Variants in AGAP1 observed in about 807,000 individuals in gnomAD.
AGAP1 encodes the protein ArfGAP with GTPase domain, ankyrin repeat and PH domain 1.
A neutral mutation model predicts 105.3 loss-of-function variants in AGAP1; 29 were observed. That is an observed-to-expected ratio of 0.28 (90% CI 0.21 to 0.38). The LOEUF is 0.38. Among genes scored for constraint, AGAP1 ranks in the 10% least tolerant of loss-of-function variants. The pLI, the probability that AGAP1 is intolerant of heterozygous loss-of-function variation, is 1.00. For missense variants in AGAP1, 998 were observed against 1,165.1 expected (o/e 0.86, Z 2.09); for synonymous variants, 509 against 485.9 (o/e 1.05, Z -0.63).
At chr2:235,604,348 G>A (rs867460200) in intron 1 of AGAP1, among the ~76,000 whole-genome samples, 22 of 151,768 alleles carry the variant, frequency 1.4e-4, no homozygotes, top group African/African-American at 5.1e-4. Flanking sequence ...TGAACATGGT[G>A]GTGTGCACCT....
Position 236,051,471 on chromosome 2 carries a change from G to A in AGAP1, c.2114+2190G>A, listed in dbSNP as rs2057892018. On this transcript the variant is annotated intron_variant, in intron 16 of 17. Coordinates refer to ENST00000304032, the MANE Select transcript of AGAP1 (RefSeq NM_001037131.3). The surrounding 1 kb of genome is among the most constrained non-coding windows in gnomAD (Gnocchi z 5.9). ...TGAGCTGGACTCTGAAATAGGGGGT[G>A]ATTCCCAGGGCCAGGGCCAGGGGAC... 6.6e-6 allele frequency among the ~76,000 whole-genome samples: 1 copy of A among 152,138 alleles called. No individual in the cohort carries two copies. Among genetic ancestry groups the A allele is most frequent in the Non-Finnish European group, 1.5e-5 (1 of 68,018 alleles).
rs1366829968 is a variant in AGAP1 at position 235,882,734 on chromosome 2, C to T, written c.1051-611C>T. Among the ~76,000 whole-genome samples the T allele has an allele frequency of 6.6e-6, 1 of 152,198 alleles. No individual in the cohort carries two copies. The highest frequency in any genetic ancestry group is 2.4e-5 in the African/African-American group (1 of 41,448). On this transcript the variant is annotated intron_variant, in intron 9 of 17. Transcript: ENST00000304032. The surrounding 1 kb of genome is among the most constrained non-coding windows in gnomAD (Gnocchi z 4.6). ...AGGTGATCTGCCCACCTCGGCCTCC[C>T]AAAGTTCTGGGATTACAGGCGTGAG...
chr2:235,539,156 T>G (rs1943351600), intron 1 of AGAP1, among the ~76,000 whole-genome samples: 1 of 152,226 alleles, frequency 6.6e-6, no homozygotes, highest in African/African-American at 2.4e-5. Flanking sequence ...CTCGCAGAGA[T>G]TGCTCTGCAC....
rs191384563 is a variant in AGAP1, at chr2:235,659,999, G to C, written c.164-49180G>C. Among the ~76,000 whole-genome samples, 116 of 152,330 alleles carry C rather than the reference G, an allele frequency of 7.6e-4. 1 individual carries two copies. Among genetic ancestry groups the C allele is most frequent in the African/African-American group, 2.7e-3 (112 of 41,572 alleles). ...GCCCCTCAAGGCTGTAGACCCCTCT[G>C]TCTGACCAGCATCCCATTCCCTGAA... On this transcript the variant is annotated intron_variant, in intron 1 of 17. Coordinates refer to ENST00000304032, the MANE Select transcript of AGAP1 (RefSeq NM_001037131.3). This position sits in a 1 kb window ranked among gnomAD's most constrained non-coding sequence, Gnocchi z 5.0.
In AGAP1 at chr2:235,747,323, T is replaced by A. The variant is rs1385515735; in HGVS notation, c.538+2484T>A. ...AAGAAAGTACCCCCATTTATTCCCA[T>A]GAATTCCATGAACATCCGTTGATCG... On this transcript the variant is annotated intron_variant, in intron 5 of 17. Coordinates refer to ENST00000304032, the MANE Select transcript of AGAP1 (RefSeq NM_001037131.3). The surrounding 1 kb of genome is among the most constrained non-coding windows in gnomAD (Gnocchi z 5.0). Among the ~76,000 whole-genome samples, 1 of 152,126 alleles carries A rather than the reference T, an allele frequency of 6.6e-6. No homozygotes were observed. The highest frequency in any genetic ancestry group is 2.4e-5 in the African/African-American group (1 of 41,426).
chr2:235,730,477 T>TAAAAAAA (rs11388954), intron 3 of AGAP1, among the ~76,000 whole-genome samples: 1 of 123,870 alleles, frequency 8.1e-6, no homozygotes, highest in Non-Finnish European at 1.6e-5. Flanking sequence ...GTTTACCTTT[T>TAAAAAAA]AAAAAAAAAA....
At position 235,622,172 on chromosome 2, in the gene AGAP1, G is replaced by C. The variant is rs1008339672; in HGVS notation, c.164-87007G>C. 6.6e-6 allele frequency among the ~76,000 whole-genome samples: 1 copy of C among 152,092 alleles called. No individual in the cohort carries two copies. On this transcript the variant is annotated intron_variant, in intron 1 of 17. Coordinates refer to ENST00000304032, the MANE Select transcript of AGAP1 (RefSeq NM_001037131.3). This position sits in a 1 kb window ranked among gnomAD's most constrained non-coding sequence, Gnocchi z 5.0. ...ATTAGATTTAGCTAAAGTAGCTTAG[G>C]TTTTATAAAAGCTGATGTTCTTCAT...
rs925593093 is a variant in AGAP1, at chr2:235,705,360, A to G, written c.164-3819A>G. ...GGAACACAGGTGTGCACACATCCGG[A>G]TGTGCATCCACACACTCATGCGCAT... is the stretch of plus-strand genomic sequence containing the variant. On this transcript the variant is annotated intron_variant, in intron 1 of 17. Transcript: ENST00000304032. The surrounding 1 kb of genome is among the most constrained non-coding windows in gnomAD (Gnocchi z 4.9). Among the ~76,000 whole-genome samples, 3 of 152,126 alleles carry G rather than the reference A, an allele frequency of 2.0e-5. No individual in the cohort carries two copies. Among genetic ancestry groups the G allele is most frequent in the Admixed American group, 6.5e-5 (1 of 15,274 alleles).
chr2:235,854,437 C>G (rs1215166945), intron 9 of AGAP1, among the ~76,000 whole-genome samples: 1 of 152,246 alleles, frequency 6.6e-6, no homozygotes, highest in African/African-American at 2.4e-5. Context: ...TGAGATGGGC[C>G]ACTCCTGCCA....
At chr2:235,513,522 G>GAAAAAAAAAAAAAA (rs5839595) in intron 1 of AGAP1, among the ~76,000 whole-genome samples, 1 of 73,226 alleles carries the variant, frequency 1.4e-5, no homozygotes, top group African/African-American at 6.1e-5. Context: ...CTCCGTCTCA[G>GAAAAAAAAAAAAAA]AAAAAAAAAA....
intron 16 of AGAP1, among the ~76,000 whole-genome samples, chr2:236,091,395 C>G (rs1415183163): frequency 6.6e-6 from 1 of 152,198 alleles, no homozygotes; most frequent in African/African-American, 2.4e-5. Flanking sequence ...CTCTGGAAAA[C>G]AGTTTTACAG....
At chr2:236,085,506 C>A (rs886191704) in intron 16 of AGAP1, among the ~76,000 whole-genome samples, 5 of 152,206 alleles carry the variant, frequency 3.3e-5, no homozygotes, top group Non-Finnish European at 5.9e-5. Context: ...CCATTTGTCC[C>A]CAGTTTCCCC....
chr2:236,024,039 T>TTG lies in AGAP1; in HGVS notation c.1646-12521_1646-12520insGT, dbSNP rs1210006543. On this transcript the variant is annotated intron_variant, in intron 13 of 17. Transcript: ENST00000304032. ...GTTGGTTGTTTTTTTTTTTTGTTTTTTTTTTTTTTTGGAGACAGTCTCACT... is the reference window on the plus strand; with the variant it reads ...GTTGGTTGTTTTTTTTTTTTGTTTTTTGTTTTTTTTTTGGAGACAGTCTCACT... Among the ~76,000 whole-genome samples, 773 of 148,454 alleles carry TTG rather than the reference T, an allele frequency of 5.2e-3. 6 individuals carry two copies. Among genetic ancestry groups the TTG allele is most frequent in the African/African-American group, 0.018 (730 of 40,246 alleles).
At chr2:235,682,624 C>T (rs1219220350) in intron 1 of AGAP1, among the ~76,000 whole-genome samples, 2 of 152,000 alleles carry the variant, frequency 1.3e-5, no homozygotes, top group Non-Finnish European at 2.9e-5. Flanking sequence ...GGATTATAGG[C>T]CTGATCCACC....
At chr2:235,907,242 A>G (rs1343359734) in intron 10 of AGAP1, among the ~76,000 whole-genome samples, 1 of 152,196 alleles carries the variant, frequency 6.6e-6, no homozygotes, top group Non-Finnish European at 1.5e-5. Context: ...CAGTTAAAAG[A>G]CAGCAGCCCA....
At chr2:235,809,431 C>A (rs1958013051) in intron 9 of AGAP1, among the ~76,000 whole-genome samples, 1 of 152,084 alleles carries the variant, frequency 6.6e-6, no homozygotes, top group Non-Finnish European at 1.5e-5. Context: ...CAGCCACAGA[C>A]AGCTCCCTCC....
intron 1 of AGAP1, among the ~76,000 whole-genome samples, chr2:235,616,524 A>G (rs1388501888): frequency 6.6e-6 from 1 of 152,232 alleles, no homozygotes; most frequent in Non-Finnish European, 1.5e-5. Flanking sequence ...GTCAAACAGT[A>G]ATAAAAACCC....
chr2:235,909,342 A>T (rs757255507), intron 11 of AGAP1, among the ~76,000 whole-genome samples: 1 of 152,206 alleles, frequency 6.6e-6, no homozygotes, highest in Non-Finnish European at 1.5e-5. Flanking sequence ...CTGTGTTGTT[A>T]TATTTTAATT....
intron 1 of AGAP1, among the ~76,000 whole-genome samples, chr2:235,521,738 ATATATGTGTGTG>A (rs1370008586): frequency 2.0e-3 from 231 of 116,736 alleles, no homozygotes; most frequent in South Asian, 5.8e-3. Context: ...TGTTTGTTAT[ATATATGTGTGTG>A]TGTGTGTGTG....
Sources: gnomAD v4.1 joint callset for allele counts (sites outside exome capture counted in the v4.1 genomes callset) on GRCh38, gnomAD v4.1.1 for gene constraint, Gnocchi (gnomAD v3.1) non-coding constraint, MANE v1.5 for transcripts, NCBI Gene and HGNC (gene_info 2026-07-23, HGNC 2026-07-21) for gene names.